The following PPM1L variants were observed in gnomAD, a reference collection of about 807,000 sequenced individuals.
PPM1L encodes protein phosphatase 1L.
A neutral mutation model predicts 31.4 loss-of-function variants in PPM1L; 13 were observed. That is an observed-to-expected ratio of 0.41 (90% CI 0.27 to 0.66). The LOEUF is 0.66. Ranked by LOEUF, PPM1L falls within the 30% of genes least tolerant of loss-of-function variation. The pLI is 0.29. For missense variants in PPM1L, 326 were observed against 453.7 expected (o/e 0.72, Z 2.56); for synonymous variants, 184 against 175.4 (o/e 1.05, Z -0.39).
At chr3:160,827,600 G>C (rs1034291164) in intron 1 of PPM1L, among the ~76,000 whole-genome samples, 15 of 151,944 alleles carry the variant, frequency 9.9e-5, no homozygotes, top group African/African-American at 3.4e-4. Flanking sequence ...GGAGAGTTAA[G>C]ATAGAAAGTA....
At chr3:161,009,780 G>T (rs1171273237) in intron 2 of PPM1L, among the ~76,000 whole-genome samples, 1 of 152,074 alleles carries the variant, frequency 6.6e-6, no homozygotes, top group Non-Finnish European at 1.5e-5. Flanking sequence ...CTCAGGACCA[G>T]CTGTAAGTTA....
intron 1 of PPM1L, among the ~76,000 whole-genome samples, chr3:160,946,648 G>A (rs561722652): frequency 1.3e-5 from 2 of 152,158 alleles, no homozygotes; most frequent in African/African-American, 2.4e-5. Context: ...AACTTTCTGT[G>A]TGGAATAGGA....
chr3:161,022,370 T>G, intron 2 of PPM1L: 1 of 385,450 alleles, frequency 2.6e-6, no homozygotes, highest in African/African-American at 2.1e-5. Context: ...TATGCATTTA[T>G]TTTTTAAATT....
chr3:160,938,371 A>G (rs552482141), intron 1 of PPM1L, among the ~76,000 whole-genome samples: 1 of 152,320 alleles, frequency 6.6e-6, no homozygotes, highest in African/African-American at 2.4e-5. Flanking sequence ...CTTCTGGATA[A>G]TCAATATGCT....
intron 1 of PPM1L, among the ~76,000 whole-genome samples, chr3:160,804,836 G>C (rs1712548879): frequency 1.3e-5 from 2 of 152,206 alleles, no homozygotes; most frequent in African/African-American, 2.4e-5. Flanking sequence ...GTTTCTTAGA[G>C]TGTGTGGAGG....
intron 1 of PPM1L, among the ~76,000 whole-genome samples, chr3:160,933,098 T>C (rs1714839365): frequency 6.6e-6 from 1 of 152,204 alleles, no homozygotes; most frequent in Non-Finnish European, 1.5e-5. Flanking sequence ...TTTGCTGTAG[T>C]TGAGAAAGTG....
chr3:160,844,330 G>C (rs1314176259), intron 1 of PPM1L, among the ~76,000 whole-genome samples: 1 of 152,182 alleles, frequency 6.6e-6, no homozygotes, highest in African/African-American at 2.4e-5. Flanking sequence ...CAGAAGAGAA[G>C]AAGTGGAGAG....
chr3:161,014,495 G>A (rs1326656667), intron 2 of PPM1L, among the ~76,000 whole-genome samples: 1 of 108,766 alleles, frequency 9.2e-6, no homozygotes, highest in East Asian at 2.9e-4. Context: ...TTTTTTTTTA[G>A]ATGGAGTCTT....
At chr3:160,949,487 A>C (rs1356834688) in intron 1 of PPM1L, among the ~76,000 whole-genome samples, 1 of 152,214 alleles carries the variant, frequency 6.6e-6, no homozygotes, top group African/African-American at 2.4e-5. Context: ...ATAGTCTGAC[A>C]TTTATATGAT....
chr3:160,887,107 A>G (rs985254012), intron 1 of PPM1L, among the ~76,000 whole-genome samples: 11 of 151,898 alleles, frequency 7.2e-5, no homozygotes, highest in African/African-American at 2.4e-4. Context: ...AAGAAAGGAT[A>G]TCAGAGTTTT....
intron 1 of PPM1L, among the ~76,000 whole-genome samples, chr3:160,960,953 GTGCTTACCTGAT>G (rs1328920622): frequency 6.6e-6 from 1 of 152,112 alleles, no homozygotes; most frequent in Non-Finnish European, 1.5e-5. Flanking sequence ...CATGTGGAAC[GTGCTTACCTGAT>G]TGAAAATCAC....
At chr3:160,808,416 T>TGCGTGCGTGC (rs1188215524) in intron 1 of PPM1L, among the ~76,000 whole-genome samples, 3,521 of 129,270 alleles carry the variant, frequency 0.027, 131 homozygotes, top group Middle Eastern at 0.12. Context: ...TGTGTGTGTG[T>TGCGTGCGTGC]GTGTGTGGTG....
At chr3:161,048,831 C>G (rs1719169523) in intron 2 of PPM1L, among the ~76,000 whole-genome samples, 1 of 147,300 alleles carries the variant, frequency 6.8e-6, no homozygotes, top group Admixed American at 7.0e-5. Context: ...ATCACAAGGA[C>G]AAAAAACCAA....
Position 160,756,252 on chromosome 3 carries a change from C to T in PPM1L, c.-57C>T, listed in dbSNP as rs1329565415. 18 of 1,554,972 alleles carry T rather than the reference C, an allele frequency of 1.2e-5. No individual in the cohort carries two copies. Among genetic ancestry groups the T allele is most frequent in the East Asian group, 9.0e-5 (4 of 44,374 alleles). On this transcript the variant is annotated 5_prime_UTR_variant, in exon 1 of 4. Transcript: ENST00000498165. This position sits in a 1 kb window ranked among gnomAD's most constrained non-coding sequence, Gnocchi z 6.2. ...GGCTGTCCCCGCAGTGCTCCCGGAC[C>T]CGGCGAGCCTTCGGGGCGCGCGTCG...
chr3:160,814,537 A>G (rs774845076), intron 1 of PPM1L, among the ~76,000 whole-genome samples: 11 of 120,244 alleles, frequency 9.1e-5, no homozygotes, highest in Non-Finnish European at 1.9e-4. Flanking sequence ...ATATGTATGT[A>G]TGTGTATATA....
At chr3:160,757,524 C>T (rs1416636819) in intron 1 of PPM1L, among the ~76,000 whole-genome samples, 2 of 152,272 alleles carry the variant, frequency 1.3e-5, no homozygotes, top group Non-Finnish European at 2.9e-5. Flanking sequence ...CCCTCTCCCA[C>T]ATTTCTGTGG....
intron 1 of PPM1L, among the ~76,000 whole-genome samples, chr3:160,875,588 A>G (rs1712479108): frequency 6.6e-6 from 1 of 152,204 alleles, no homozygotes; most frequent in Non-Finnish European, 1.5e-5. Context: ...TTAGAAATTA[A>G]ATAAAATAGC....
rs1455053763 is a variant in PPM1L, at chr3:161,072,807, A to G, written c.*3650A>G. 1 of 152,006 alleles carries G rather than the reference A, an allele frequency of 6.6e-6. No homozygotes were observed. The highest frequency in any genetic ancestry group is 1.9e-4 in the East Asian group (1 of 5,202). The allele number at this position is 152,006 out of a possible 1,614,324, so 9.4% of individuals were successfully genotyped here. A position where few individuals can be genotyped will look rare whatever the true frequency, so the allele number is the denominator to read the frequency against. ...TTTAGAAAAGGCAGCATATCATTGTATATTTGAAACTATAGGAATATATAC... is the reference window on the plus strand; with the variant it reads ...TTTAGAAAAGGCAGCATATCATTGTGTATTTGAAACTATAGGAATATATAC... On this transcript the variant is annotated 3_prime_UTR_variant, in exon 4 of 4. Coordinates refer to ENST00000498165, the MANE Select transcript of PPM1L (RefSeq NM_139245.4).
chr3:160,800,881 G>A (rs56221606), intron 1 of PPM1L, among the ~76,000 whole-genome samples: 8,035 of 152,018 alleles, frequency 0.053, 698 homozygotes, highest in African/African-American at 0.18. Flanking sequence ...AACAATTTAG[G>A]CAACATTTAA....
Sources: gnomAD v4.1 joint callset for allele counts (sites outside exome capture counted in the v4.1 genomes callset) on GRCh38, gnomAD v4.1.1 for gene constraint, Gnocchi (gnomAD v3.1) non-coding constraint, MANE v1.5 for transcripts, NCBI Gene and HGNC (gene_info 2026-07-23, HGNC 2026-07-21) for gene names.